CCSER1: variants seen among roughly 807,000 people sequenced by gnomAD.
CCSER1 encodes the protein serine-rich coiled-coil domain-containing protein 1.
A neutral mutation model predicts 82.0 loss-of-function variants in CCSER1; 41 were observed. The observed-to-expected ratio is 0.50, with a 90% CI of 0.39 to 0.65. The LOEUF (loss-of-function observed/expected upper bound fraction) is 0.65, where lower values mean the gene tolerates loss of function less well. CCSER1 is among the 30% of genes least tolerant of loss of function. The probability of loss-of-function intolerance (pLI) is 0.00; values close to 1 mark genes in which losing one functional copy is unlikely to be tolerated. For synonymous variants in CCSER1, 414 were observed against 383.9 expected (o/e 1.08, Z -0.92); for missense variants, 1,119 against 1,064.2 (o/e 1.05, Z -0.72).
intron 10 of CCSER1, among the ~76,000 whole-genome samples, chr4:91,502,487 G>C (rs1397274514): frequency 6.6e-6 from 1 of 152,118 alleles, no homozygotes; most frequent in South Asian, 2.1e-4. Flanking sequence ...AGCATTTCTT[G>C]TTTTCCAAGC....
intron 5 of CCSER1, among the ~76,000 whole-genome samples, chr4:90,475,440 G>T (rs999769742): frequency 1.3e-5 from 2 of 152,220 alleles, no homozygotes. Context: ...CTAAATATAG[G>T]TCTCTTCCAC....
At chr4:91,566,872 C>T (rs1001396407) in intron 10 of CCSER1, among the ~76,000 whole-genome samples, 7 of 151,792 alleles carry the variant, frequency 4.6e-5, no homozygotes, top group Non-Finnish European at 7.4e-5. Flanking sequence ...AATGGTTTTT[C>T]ATGTCTTTGT....
rs776416038 is a variant in CCSER1 at position 90,628,011 on chromosome 4, T to C, written c.1725-14T>C. The stretch of plus-strand genomic sequence containing the variant: ...CTGCACTGTAATTTTTGTTCTTTTT[T>C]TTTTTCTTGTTAGGAATCTTTCCCT... On this transcript the variant is annotated splice_polypyrimidine_tract_variant and intron_variant, in intron 5 of 10. Transcript: ENST00000509176. 3.7e-5 allele frequency: 59 copies of C among 1,610,914 alleles called. No individual in the cohort carries two copies. Among genetic ancestry groups the C allele is most frequent in the Non-Finnish European group, 4.6e-5 (54 of 1,177,518 alleles).
chr4:90,843,672 A>G (rs925719175), intron 8 of CCSER1, among the ~76,000 whole-genome samples: 1 of 152,042 alleles, frequency 6.6e-6, no homozygotes, highest in Non-Finnish European at 1.5e-5. Flanking sequence ...CTTTTGCTGG[A>G]TTTTCCGTAT....
intron 1 of CCSER1, among the ~76,000 whole-genome samples, chr4:90,149,740 A>G (rs1182313490): frequency 1.3e-5 from 2 of 152,150 alleles, no homozygotes; most frequent in African/African-American, 4.8e-5. Flanking sequence ...TGAAAATTTT[A>G]TTATTATAAA....
chr4:90,813,826 G>T (rs1276065295), intron 7 of CCSER1, among the ~76,000 whole-genome samples: 1 of 152,160 alleles, frequency 6.6e-6, no homozygotes, highest in Non-Finnish European at 1.5e-5. Flanking sequence ...GGCACATGGT[G>T]CAAGCTGTTG....
chr4:90,604,735 A>G (rs1387168410), intron 5 of CCSER1, among the ~76,000 whole-genome samples: 1 of 152,146 alleles, frequency 6.6e-6, no homozygotes, highest in Non-Finnish European at 1.5e-5. Context: ...TGCGCCAATC[A>G]GTGCTGTGTG....
chr4:90,627,632 T>C (rs957345020), intron 5 of CCSER1, among the ~76,000 whole-genome samples: 1 of 152,108 alleles, frequency 6.6e-6, no homozygotes, highest in Non-Finnish European at 1.5e-5. Context: ...TACCACTAAA[T>C]GTATATTTGA....
chr4:90,934,396 T>C (rs1422432015), intron 9 of CCSER1, among the ~76,000 whole-genome samples: 1 of 152,232 alleles, frequency 6.6e-6, no homozygotes, highest in Admixed American at 6.5e-5. Context: ...GATAATGTTA[T>C]ATTCAAATGT....
chr4:90,231,650 G>A (rs952403429), intron 1 of CCSER1, among the ~76,000 whole-genome samples: 2 of 150,488 alleles, frequency 1.3e-5, no homozygotes, highest in South Asian at 2.1e-4. Context: ...GGAAATAAAG[G>A]GTATTCAATT....
intron 10 of CCSER1, among the ~76,000 whole-genome samples, chr4:91,400,985 A>AAGTT (rs1352717586): frequency 6.6e-6 from 1 of 151,950 alleles, no homozygotes; most frequent in Non-Finnish European, 1.5e-5. Flanking sequence ...ACCCAGTTCA[A>AAGTT]AGTTAAGAAC....
chr4:90,711,460 T>G (rs1468215781), intron 6 of CCSER1, among the ~76,000 whole-genome samples: 5 of 152,162 alleles, frequency 3.3e-5, no homozygotes, highest in Non-Finnish European at 7.4e-5. Context: ...TGATATTGGC[T>G]GTGGATTTGT....
intron 5 of CCSER1, among the ~76,000 whole-genome samples, chr4:90,582,329 T>C (rs1781498920): frequency 6.6e-6 from 1 of 152,178 alleles, no homozygotes; most frequent in South Asian, 2.1e-4. Context: ...GTCTGTTGAA[T>C]GAACCTTTAT....
chr4:90,444,144 C>T (rs1234033995), intron 4 of CCSER1, among the ~76,000 whole-genome samples: 6 of 152,042 alleles, frequency 3.9e-5, no homozygotes, highest in South Asian at 2.1e-4. Context: ...TTTCCTGCTT[C>T]CTTTTATCTT....
intron 10 of CCSER1, among the ~76,000 whole-genome samples, chr4:91,416,673 C>T (rs1398764842): frequency 6.6e-6 from 1 of 152,084 alleles, no homozygotes; most frequent in Admixed American, 6.6e-5. Flanking sequence ...GAAACTGGAC[C>T]CCTTCCTTAT....
rs531816447 is a variant in CCSER1, at chr4:91,080,950, G to A, written c.2173-5000G>A. Among the ~76,000 whole-genome samples the A allele has an allele frequency of 1.6e-4, 25 of 152,190 alleles. No individual in the cohort carries two copies. The South Asian group carries it at 2.5e-3, about 15-fold the overall frequency. ...AACCAAAAAAAGTCCAGGACCAGAC[G>A]GATTCACAGCCAAATTCTACCCAGA... On this transcript the variant is annotated intron_variant, in intron 9 of 10. Transcript: ENST00000509176.
At chr4:91,512,798 T>C (rs2110119466) in intron 10 of CCSER1, among the ~76,000 whole-genome samples, 1 of 152,294 alleles carries the variant, frequency 6.6e-6, no homozygotes, top group Admixed American at 6.5e-5. Context: ...CTACCTATTT[T>C]TGTACATTGA....
chr4:91,336,669 GATA>G (rs1167177421), intron 10 of CCSER1, among the ~76,000 whole-genome samples: 2 of 151,938 alleles, frequency 1.3e-5, no homozygotes, highest in African/African-American at 4.8e-5. Context: ...GTAGTAATTG[GATA>G]ATAAATATGT....
At chr4:90,486,622 C>T (rs1165930663) in intron 5 of CCSER1, among the ~76,000 whole-genome samples, 1 of 152,160 alleles carries the variant, frequency 6.6e-6, no homozygotes, top group East Asian at 1.9e-4. Flanking sequence ...TTTTTGTCTT[C>T]AGGTGGGTAT....
Sources: allele counts gnomAD v4.1 joint callset (sites outside exome capture counted in the v4.1 genomes callset), GRCh38; gene constraint gnomAD v4.1.1; transcripts MANE v1.5; gene names NCBI Gene and HGNC (gene_info 2026-07-23, HGNC 2026-07-21).